Variants in FOXP1 observed in about 807,000 individuals in gnomAD.
The protein encoded by FOXP1 is forkhead box P1.
A neutral mutation model predicts 98.2 loss-of-function variants in FOXP1; 15 were observed. That is an observed-to-expected ratio of 0.15 (90% CI 0.10 to 0.24). FOXP1 has a LOEUF of 0.24. FOXP1 is among the 10% of genes least tolerant of loss of function. The pLI, the probability that FOXP1 is intolerant of heterozygous loss-of-function variation, is 1.00. For synonymous variants in FOXP1, 371 were observed against 314.5 expected, an observed-to-expected ratio of 1.18 and a Z score of -1.90; for missense variants, 633 against 848.5, an observed-to-expected ratio of 0.75 and a Z score of 3.15.
At chr3:71,555,683 T>C (rs968883065) in intron 2 of FOXP1, among the ~76,000 whole-genome samples, 1 of 152,194 alleles carries the variant, frequency 6.6e-6, no homozygotes, top group African/African-American at 2.4e-5. Context: ...GGTCCATGCA[T>C]ATAATCAACA....
At chr3:71,264,663 T>C (rs2069469108) in intron 5 of FOXP1, among the ~76,000 whole-genome samples, 1 of 152,240 alleles carries the variant, frequency 6.6e-6, no homozygotes, top group Non-Finnish European at 1.5e-5. Context: ...ATCCTTGTCA[T>C]CTGTCTTCTA....
chr3:71,219,186 C>T (rs1473653944), intron 5 of FOXP1, among the ~76,000 whole-genome samples: 1 of 152,160 alleles, frequency 6.6e-6, no homozygotes, highest in African/African-American at 2.4e-5. Context: ...GCCCTCATCA[C>T]ATGCCCTCAT....
chr3:71,558,597 C>T (rs774204463), intron 2 of FOXP1, among the ~76,000 whole-genome samples: 1 of 151,186 alleles, frequency 6.6e-6, no homozygotes, highest in African/African-American at 2.4e-5. Flanking sequence ...GGGATTCAAG[C>T]GATTCTCCTG....
chr3:71,292,120 T>A (rs767521002), intron 5 of FOXP1, among the ~76,000 whole-genome samples: 6 of 152,056 alleles, frequency 3.9e-5, no homozygotes, highest in Non-Finnish European at 7.4e-5. Context: ...CTTTAAAGTA[T>A]GGAATTTGTA....
At chr3:71,385,370 G>C (rs2080489781) in intron 3 of FOXP1, among the ~76,000 whole-genome samples, 1 of 152,144 alleles carries the variant, frequency 6.6e-6, no homozygotes, top group African/African-American at 2.4e-5. Context: ...TGCATTTTGA[G>C]GGGTATAAAA....
intron 5 of FOXP1, among the ~76,000 whole-genome samples, chr3:71,272,142 C>G (rs558015422): frequency 4.3e-4 from 65 of 152,224 alleles, no homozygotes; most frequent in African/African-American, 1.5e-3. Flanking sequence ...CAAAAAACAA[C>G]CACCGAACAA....
chr3:71,398,951 T>C (rs184657791), intron 3 of FOXP1, among the ~76,000 whole-genome samples: 57 of 152,314 alleles, frequency 3.7e-4, no homozygotes, highest in African/African-American at 1.3e-3. Context: ...CAGCAGGCAG[T>C]AATGGCACAC....
At chr3:71,270,766 A>G (rs1269194707) in intron 5 of FOXP1, among the ~76,000 whole-genome samples, 1 of 152,238 alleles carries the variant, frequency 6.6e-6, no homozygotes, top group Non-Finnish European at 1.5e-5. Context: ...CACCTTGGCC[A>G]ATAAATTTTT....
intron 4 of FOXP1, among the ~76,000 whole-genome samples, chr3:71,330,046 AG>A (rs1201614618): frequency 2.6e-5 from 4 of 152,192 alleles, no homozygotes; most frequent in African/African-American, 9.7e-5. Context: ...CTGTTTCAAA[AG>A]AAAAGCAGAA....
intron 3 of FOXP1, among the ~76,000 whole-genome samples, chr3:71,424,398 A>T (rs2083933138): frequency 6.6e-6 from 1 of 152,042 alleles, no homozygotes; most frequent in Non-Finnish European, 1.5e-5. Flanking sequence ...CCCCACCATA[A>T]CCTTGCAATG....
intron 11 of FOXP1, among the ~76,000 whole-genome samples, chr3:71,028,407 A>G (rs2046417599): frequency 6.6e-6 from 1 of 152,202 alleles, no homozygotes; most frequent in Non-Finnish European, 1.5e-5. Flanking sequence ...ACCCCAATTT[A>G]CTGAATCAGA....
At position 70,959,221 on chromosome 3, in the gene FOXP1, T is replaced by G. The variant is rs1212963002; in HGVS notation, c.*26A>C. 5.6e-6 allele frequency: 9 copies of G among 1,606,542 alleles called. No individual in the cohort carries two copies. Among genetic ancestry groups the G allele is most frequent in the Non-Finnish European group, 6.8e-6 (8 of 1,174,134 alleles). Reference sequence around the variant, plus strand: ...TTTTTTTTCCTTTTTCCAATCTTCATTCTCGGGGTTGGCCCGCCCCGATAG... The same window carrying G: ...TTTTTTTTCCTTTTTCCAATCTTCAGTCTCGGGGTTGGCCCGCCCCGATAG... On this transcript the variant is annotated 3_prime_UTR_variant, in exon 21 of 21. Transcript: ENST00000649528.
intron 14 of FOXP1, among the ~76,000 whole-genome samples, chr3:70,980,257 T>C (rs6780338): frequency 0.23 from 34,678 of 152,086 alleles, 4,928 homozygotes; most frequent in East Asian, 0.57. Context: ...AGGAACAGTA[T>C]GTATAAGCAT....
At chr3:71,582,164 C>G (rs534455362) in intron 1 of FOXP1, 2 of 983,064 alleles carry the variant, frequency 2.0e-6, no homozygotes, top group Admixed American at 6.2e-5. Flanking sequence ...CCCCAGAGCC[C>G]GTGTGTGTCA....
At chr3:71,561,474 T>C (rs2046533693) in intron 2 of FOXP1, among the ~76,000 whole-genome samples, 1 of 150,744 alleles carries the variant, frequency 6.6e-6, no homozygotes, top group Admixed American at 6.6e-5. Flanking sequence ...CCACGACCCG[T>C]TGTGATTACA....
intron 4 of FOXP1, among the ~76,000 whole-genome samples, chr3:71,306,793 T>G (rs1211369438): frequency 6.6e-6 from 1 of 152,174 alleles, no homozygotes; most frequent in African/African-American, 2.4e-5. Flanking sequence ...ACCCCCATAT[T>G]AGAAAAGATG....
At chr3:71,005,642 G>C (rs1226762536) in intron 12 of FOXP1, among the ~76,000 whole-genome samples, 2 of 152,096 alleles carry the variant, frequency 1.3e-5, no homozygotes, top group African/African-American at 2.4e-5. Context: ...ATAGGATTGA[G>C]TTTAAGTCTA....
At chr3:70,971,125 AGGCAGCAGCCTAGGAGGTCGTG>A in intron 18 of FOXP1, 1 of 373,828 alleles carries the variant, frequency 2.7e-6, no homozygotes, top group South Asian at 2.3e-5. Flanking sequence ...ACAGAAAGGA[AGGCAGCAGCCTAGGAGGTCGTG>A]CTGGGGAAGG....
chr3:71,394,022 G>A (rs1471279263), intron 3 of FOXP1, among the ~76,000 whole-genome samples: 1 of 152,172 alleles, frequency 6.6e-6, no homozygotes, highest in Admixed American at 6.5e-5. Context: ...ACATACAAAT[G>A]TCTGCGGAGC....
Sources: gnomAD v4.1 joint callset for allele counts (sites outside exome capture counted in the v4.1 genomes callset) on GRCh38, gnomAD v4.1.1 for gene constraint, MANE v1.5 for transcripts, NCBI Gene and HGNC (gene_info 2026-07-23, HGNC 2026-07-21) for gene names.